The following EPHA5 variants were observed in gnomAD, a reference collection of about 807,000 sequenced individuals.
EPHA5 encodes ephrin type-A receptor 5.
EPHA5 carries 60 observed loss-of-function variants against 105.0 expected under a neutral mutation model. That is an observed-to-expected ratio of 0.57 (90% confidence interval 0.46 to 0.71). The LOEUF (loss-of-function observed/expected upper bound fraction) is 0.71, where lower values mean the gene tolerates loss of function less well. Ranked by LOEUF, EPHA5 falls within the 30% of genes least tolerant of loss-of-function variation. The pLI, the probability that EPHA5 is intolerant of heterozygous loss-of-function variation, is 0.00. For missense variants in EPHA5, 1,218 were observed against 1,274.7 expected (o/e 0.96, Z 0.68); for synonymous variants, 513 against 449.1 (o/e 1.14, Z -1.80).
chr4:65,642,801 C>A lies in EPHA5; in HGVS notation c.246+562G>T, dbSNP rs146020928. ...TATCATCTAAAAATATAAGTGTGCA[C>A]AATTTTCTAGATGAATTGCATGTGT... On this transcript the variant is annotated intron_variant, in intron 2 of 16. Coordinates refer to ENST00000613740, the MANE Select transcript of EPHA5 (RefSeq NM_001281766.3). Among the ~76,000 whole-genome samples, 96 of 151,970 alleles carry A rather than the reference C, an allele frequency of 6.3e-4. 1 individual carries two copies. Among genetic ancestry groups the A allele is most frequent in the African/African-American group, 2.3e-3 (95 of 41,496 alleles).
chr4:65,631,455 A>AAATAT, intron 2 of EPHA5, among the ~76,000 whole-genome samples: 1 of 152,106 alleles, frequency 6.6e-6, no homozygotes, highest in Non-Finnish European at 1.5e-5. Context: ...AAACATACCA[A>AAATAT]AGAGAATGAT....
intron 3 of EPHA5, among the ~76,000 whole-genome samples, chr4:65,552,325 T>C (rs1223829170): frequency 1.3e-5 from 2 of 152,220 alleles, no homozygotes; most frequent in Non-Finnish European, 1.5e-5. Flanking sequence ...TTCCACACGG[T>C]TTATCCGTTA....
intron 5 of EPHA5, among the ~76,000 whole-genome samples, chr4:65,442,338 A>T (rs1726100580): frequency 6.6e-6 from 1 of 152,164 alleles, no homozygotes; most frequent in East Asian, 1.9e-4. Flanking sequence ...GCCATGTGAA[A>T]TTATAGCAGA....
intron 2 of EPHA5, among the ~76,000 whole-genome samples, chr4:65,632,459 G>T (rs1009033386): frequency 6.7e-6 from 1 of 149,908 alleles, no homozygotes; most frequent in Non-Finnish European, 1.5e-5. Context: ...TATTGGCTCA[G>T]CTTAGTACAA....
At chr4:65,465,384 C>T (rs934764517) in intron 5 of EPHA5, among the ~76,000 whole-genome samples, 1 of 151,336 alleles carries the variant, frequency 6.6e-6, no homozygotes, top group African/African-American at 2.4e-5. Flanking sequence ...CGAGATCGTG[C>T]CATTGCACTC....
chr4:65,578,527 T>C (rs1741292468), intron 3 of EPHA5, among the ~76,000 whole-genome samples: 1 of 152,138 alleles, frequency 6.6e-6, no homozygotes, highest in Admixed American at 6.5e-5. Context: ...GCCACTAATA[T>C]ATGAGCAGTG....
chr4:65,669,539 G>C (rs762971646), intron 1 of EPHA5, 23 bp downstream of exon 1: 126 of 1,360,188 alleles, frequency 9.3e-5, no homozygotes, highest in Non-Finnish European at 1.2e-4. Flanking sequence ...AGGTCGCCAC[G>C]GTCCCCACCC....
At position 65,635,270 on chromosome 4, in the gene EPHA5, T is replaced by A. The variant is rs934111225; in HGVS notation, c.246+8093A>T. Among the ~76,000 whole-genome samples the A allele has an allele frequency of 3.3e-5, 5 of 152,248 alleles. No individual in the cohort carries two copies. In the South Asian group the frequency reaches 1.0e-3, roughly 32 times the overall value. ...CTTTCTCCTCCAGGCACAGAGCAAC[T>A]TACTTTGTCTCCATTTTAGTACAAA... On this transcript the variant is annotated intron_variant, in intron 2 of 16. Transcript: ENST00000613740.
intron 5 of EPHA5, among the ~76,000 whole-genome samples, chr4:65,431,131 T>A (rs996225740): frequency 1.3e-5 from 2 of 152,018 alleles, no homozygotes; most frequent in Non-Finnish European, 2.9e-5. Context: ...CCAAGATAAA[T>A]CCTCACAACG....
chr4:65,465,509 A>AAG (rs1728573752), intron 5 of EPHA5, among the ~76,000 whole-genome samples: 1 of 122,996 alleles, frequency 8.1e-6, no homozygotes, highest in Non-Finnish European at 1.8e-5. Flanking sequence ...GAAAGAAAGA[A>AAG]AGAAAGAAAG....
intron 14 of EPHA5, among the ~76,000 whole-genome samples, chr4:65,343,114 G>C (rs1399912460): frequency 6.6e-6 from 1 of 152,034 alleles, no homozygotes; most frequent in Non-Finnish European, 1.5e-5. Context: ...AAATATAAGA[G>C]AAAGACCTTG....
chr4:65,469,545 C>T (rs997043913), intron 5 of EPHA5, among the ~76,000 whole-genome samples: 30 of 152,188 alleles, frequency 2.0e-4, no homozygotes, highest in Admixed American at 1.1e-3. Flanking sequence ...AGCTGAGACA[C>T]CTTTAGCATC....
At chr4:65,627,480 G>GTATCACTTTACTA (rs1746255343) in intron 2 of EPHA5, among the ~76,000 whole-genome samples, 1 of 152,132 alleles carries the variant, frequency 6.6e-6, no homozygotes, top group South Asian at 2.1e-4. Context: ...TTTTAGTAAA[G>GTATCACTTTACTA]TATCACTTTG....
At chr4:65,436,991 G>T (rs1252868096) in intron 5 of EPHA5, among the ~76,000 whole-genome samples, 1 of 151,854 alleles carries the variant, frequency 6.6e-6, no homozygotes, top group African/African-American at 2.4e-5. Context: ...TTCACTGCCA[G>T]GAATTTATTA....
At chr4:65,437,795 T>A (rs1409335491) in intron 5 of EPHA5, among the ~76,000 whole-genome samples, 2 of 152,048 alleles carry the variant, frequency 1.3e-5, no homozygotes, top group South Asian at 4.1e-4. Context: ...TTTACCTAAC[T>A]CACAATGTCA....
intron 16 of EPHA5, 78 bp downstream of exon 16, chr4:65,331,895 T>A: frequency 2.0e-6 from 3 of 1,523,530 alleles, no homozygotes; most frequent in Non-Finnish European, 2.6e-6. Context: ...CTGATTTCCC[T>A]TACCTCATCC....
intron 5 of EPHA5, among the ~76,000 whole-genome samples, chr4:65,484,958 G>T (rs1730740416): frequency 6.6e-6 from 1 of 151,874 alleles, no homozygotes; most frequent in African/African-American, 2.4e-5. Flanking sequence ...CAGAAGTGTT[G>T]TCATGTAAAT....
At chr4:65,532,483 C>T (rs1357624453) in intron 3 of EPHA5, among the ~76,000 whole-genome samples, 1 of 151,846 alleles carries the variant, frequency 6.6e-6, no homozygotes, top group South Asian at 2.1e-4. Context: ...TCCTATGTAG[C>T]TTTACACTAT....
chr4:65,605,321 A>G (rs947124287), intron 2 of EPHA5, among the ~76,000 whole-genome samples: 9 of 152,154 alleles, frequency 5.9e-5, no homozygotes, highest in Admixed American at 2.0e-4. Flanking sequence ...TGCAGTTACA[A>G]TGTTTTTCTA....
Sources: allele counts gnomAD v4.1 joint callset (sites outside exome capture counted in the v4.1 genomes callset), GRCh38; gene constraint gnomAD v4.1.1; transcripts MANE v1.5; gene names NCBI Gene and HGNC (gene_info 2026-07-23, HGNC 2026-07-21).